Variants in ANO2 observed in about 807,000 individuals in gnomAD.
The protein encoded by ANO2 is anoctamin-2.
In ANO2, 101 loss-of-function variants were observed where a neutral mutation model predicts 124.2. The observed-to-expected ratio is 0.81, with a 90% CI of 0.69 to 0.96. The LOEUF (loss-of-function observed/expected upper bound fraction) is 0.96, where lower values mean the gene tolerates loss of function less well. ANO2 is among the 40% of genes least tolerant of loss of function. ANO2 has a pLI of 0.00. For synonymous variants in ANO2, 486 were observed against 482.5 expected (o/e 1.01, Z -0.09); for missense variants, 1,293 against 1,274.5 (o/e 1.01, Z -0.22).
At position 5,806,805 on chromosome 12, in the gene ANO2, A is replaced by T. The variant is rs58372476; in HGVS notation, c.948+508T>A. On this transcript the variant is annotated intron_variant, in intron 8 of 24. Coordinates refer to ENST00000682330, the MANE Select transcript of ANO2 (RefSeq NM_001364791.2). ...ATTTTCTTCAAAAAAAATTTTTTTT[A>T]AAATAATGATCTTTCGTTAATATGT... Among the ~76,000 whole-genome samples, 329 of 152,358 alleles carry T rather than the reference A, an allele frequency of 2.2e-3. 2 individuals are homozygous for T. Among genetic ancestry groups the T allele is most frequent in the African/African-American group, 5.7e-3 (239 of 41,582 alleles).
intron 19 of ANO2, among the ~76,000 whole-genome samples, chr12:5,603,930 G>A (rs1215710764): frequency 8.5e-6 from 1 of 117,474 alleles, no homozygotes; most frequent in Non-Finnish European, 1.7e-5. Context: ...GGGTGAAAGA[G>A]CGAGATTCCG....
At chr12:5,749,572 A>G (rs1024137551) in intron 11 of ANO2, among the ~76,000 whole-genome samples, 2 of 152,170 alleles carry the variant, frequency 1.3e-5, no homozygotes, top group African/African-American at 4.8e-5. Context: ...TTTCTTTTTC[A>G]CTTAATCTAG....
intron 3 of ANO2, among the ~76,000 whole-genome samples, chr12:5,916,492 TAA>T (rs57056611): frequency 4.9e-4 from 46 of 93,136 alleles, no homozygotes; most frequent in African/African-American, 1.5e-3. Context: ...CGCAGCAGGT[TAA>T]AAAAAAAAAA....
At chr12:5,675,479 A>G (rs1186768943) in intron 14 of ANO2, among the ~76,000 whole-genome samples, 4 of 152,086 alleles carry the variant, frequency 2.6e-5, no homozygotes, top group Non-Finnish European at 5.9e-5. Context: ...CTTTTGGGGG[A>G]AAGGGAGCCA....
At chr12:5,600,094 T>C (rs186051564) in intron 19 of ANO2, among the ~76,000 whole-genome samples, 56 of 152,318 alleles carry the variant, frequency 3.7e-4, no homozygotes, top group African/African-American at 1.3e-3. Context: ...ACCACTACTA[T>C]GGACTGAATG....
intron 3 of ANO2, among the ~76,000 whole-genome samples, chr12:5,916,814 G>A (rs1941408530): frequency 6.6e-6 from 1 of 152,066 alleles, no homozygotes; most frequent in Non-Finnish European, 1.5e-5. Context: ...AGAGTCAGGG[G>A]GAGATTTAAA....
chr12:5,625,973 C>G (rs1156637778), intron 16 of ANO2, among the ~76,000 whole-genome samples: 5 of 152,156 alleles, frequency 3.3e-5, no homozygotes, highest in African/African-American at 1.2e-4. Flanking sequence ...TGGAAAGCAT[C>G]AAGCATGGTG....
intron 14 of ANO2, among the ~76,000 whole-genome samples, chr12:5,717,660 T>C (rs1218577513): frequency 2.0e-5 from 3 of 152,236 alleles, no homozygotes; most frequent in Non-Finnish European, 4.4e-5. Context: ...TTTCACCTTG[T>C]ACTCCAGATC....
At chr12:5,611,140 T>C (rs1565472744) in intron 19 of ANO2, among the ~76,000 whole-genome samples, 1 of 151,500 alleles carries the variant, frequency 6.6e-6, no homozygotes, top group South Asian at 2.1e-4. Flanking sequence ...CCGGCTAATT[T>C]TGTATTTTTT....
At position 5,900,441 on chromosome 12, in the gene ANO2, G is replaced by A. The variant is rs1940109580; in HGVS notation, c.534+20599C>T. 6.6e-6 allele frequency among the ~76,000 whole-genome samples: 1 copy of A among 152,166 alleles called. No individual in the cohort carries two copies. Among genetic ancestry groups the A allele is most frequent in the Admixed American group, 6.5e-5 (1 of 15,280 alleles). On this transcript the variant is annotated intron_variant, in intron 3 of 24. Coordinates refer to ENST00000682330, the MANE Select transcript of ANO2 (RefSeq NM_001364791.2). The surrounding 1 kb of genome is among the most constrained non-coding windows in gnomAD (Gnocchi z 4.2). ...AATTTAAAAATGCATTTGTGAATTTGAGTATGTTACTGAACTTCCATGGAC... is the reference window on the plus strand; with the variant it reads ...AATTTAAAAATGCATTTGTGAATTTAAGTATGTTACTGAACTTCCATGGAC...
rs1482332002 is a variant in ANO2 at position 5,736,973 on chromosome 12, C to A, written c.1434+2344G>T. On this transcript the variant is annotated intron_variant, in intron 13 of 24. Coordinates refer to ENST00000682330, the MANE Select transcript of ANO2 (RefSeq NM_001364791.2). Reference sequence around the variant, plus strand: ...CAATTTCTCTCACACACTCTCCATTCTATTCTAAATATTTATAGACCAAAG... The same window carrying A: ...CAATTTCTCTCACACACTCTCCATTATATTCTAAATATTTATAGACCAAAG... Among the ~76,000 whole-genome samples the A allele has an allele frequency of 5.9e-5, 9 of 152,342 alleles. No individual in the cohort carries two copies. The South Asian group carries it at 1.2e-3, about 21-fold the overall frequency.
intron 3 of ANO2, among the ~76,000 whole-genome samples, chr12:5,869,816 T>C (rs1204763558): frequency 1.3e-5 from 2 of 152,154 alleles, no homozygotes; most frequent in Non-Finnish European, 2.9e-5. Flanking sequence ...ACCTGCCCCC[T>C]TTCAGCTGAT....
intron 3 of ANO2, among the ~76,000 whole-genome samples, chr12:5,857,175 T>A (rs1184228867): frequency 1.3e-5 from 2 of 152,156 alleles, no homozygotes; most frequent in Non-Finnish European, 2.9e-5. Flanking sequence ...TTAAAATAAT[T>A]TTTTCCTTGT....
chr12:5,826,593 G>A (rs1466114855), intron 7 of ANO2, among the ~76,000 whole-genome samples: 1 of 152,024 alleles, frequency 6.6e-6, no homozygotes, highest in Non-Finnish European at 1.5e-5. Context: ...TGGAAGGTCT[G>A]ATTTTTAAAA....
intron 12 of ANO2, among the ~76,000 whole-genome samples, chr12:5,739,630 C>CACAT: frequency 6.6e-6 from 1 of 151,580 alleles, no homozygotes; most frequent in Non-Finnish European, 1.5e-5. Flanking sequence ...CACACACACA[C>CACAT]GCTCCTTTCT....
intron 3 of ANO2, among the ~76,000 whole-genome samples, chr12:5,885,781 G>A (rs1176838981): frequency 3.3e-5 from 5 of 152,166 alleles, no homozygotes; most frequent in African/African-American, 1.2e-4. Context: ...TAAGATTCCT[G>A]AGCTAGTATA....
chr12:5,639,364 T>C (rs1388247998), intron 15 of ANO2, among the ~76,000 whole-genome samples: 1 of 152,202 alleles, frequency 6.6e-6, no homozygotes, highest in Admixed American at 6.5e-5. Context: ...AAGCTCCTCC[T>C]TGTGCCAGTC....
At chr12:5,591,172 CTG>C (rs1467263596) in intron 20 of ANO2, among the ~76,000 whole-genome samples, 2 of 152,160 alleles carry the variant, frequency 1.3e-5, no homozygotes, top group East Asian at 3.9e-4. Context: ...AAGAGCGAAA[CTG>C]TCTCAAAACA....
At chr12:5,570,722 A>G (rs1185108900) in intron 23 of ANO2, among the ~76,000 whole-genome samples, 1 of 152,224 alleles carries the variant, frequency 6.6e-6, no homozygotes, top group South Asian at 2.1e-4. Context: ...CAGCTAGTAA[A>G]TGCATTTCTC....
Sources: gnomAD v4.1 joint callset for allele counts (sites outside exome capture counted in the v4.1 genomes callset) on GRCh38, gnomAD v4.1.1 for gene constraint, Gnocchi (gnomAD v3.1) non-coding constraint, MANE v1.5 for transcripts, NCBI Gene and HGNC (gene_info 2026-07-23, HGNC 2026-07-21) for gene names.